The following FRMD4B variants were observed in gnomAD, a reference collection of about 807,000 sequenced individuals.
FRMD4B encodes FERM domain-containing protein 4B.
In FRMD4B, 74 loss-of-function variants were observed where a neutral mutation model predicts 141.5. The observed-to-expected ratio is 0.52, with a 90% confidence interval of 0.43 to 0.63. FRMD4B has a LOEUF of 0.63. Among genes scored for constraint, FRMD4B ranks in the 30% least tolerant of loss-of-function variants. FRMD4B has a pLI of 0.00. For synonymous variants in FRMD4B, 506 were observed against 467.9 expected, an observed-to-expected ratio of 1.08 and a Z score of -1.05; for missense variants, 1,366 against 1,253.4, an observed-to-expected ratio of 1.09 and a Z score of -1.36.
intron 2 of FRMD4B, among the ~76,000 whole-genome samples, chr3:69,404,381 G>A (rs1704618323): frequency 6.6e-6 from 1 of 152,134 alleles, no homozygotes; most frequent in South Asian, 2.1e-4. Context: ...GAATATTAAG[G>A]ATAGAAAATG....
intron 1 of FRMD4B, among the ~76,000 whole-genome samples, chr3:69,517,390 C>G (rs1700779738): frequency 6.6e-6 from 1 of 151,924 alleles, no homozygotes; most frequent in South Asian, 2.1e-4. Flanking sequence ...AAAAGAGCAC[C>G]AGTCACATAA....
At chr3:69,303,060 CCT>C (rs1024447229) in intron 3 of FRMD4B, among the ~76,000 whole-genome samples, 4 of 151,998 alleles carry the variant, frequency 2.6e-5, no homozygotes, top group African/African-American at 9.7e-5. Flanking sequence ...GGCAACATCC[CCT>C]GTTAGAGTGA....
At chr3:69,459,607 A>G (rs945779816) in intron 1 of FRMD4B, among the ~76,000 whole-genome samples, 1 of 152,244 alleles carries the variant, frequency 6.6e-6, no homozygotes, top group Non-Finnish European at 1.5e-5. Context: ...ACCAGACTGC[A>G]TATATTGAAA....
chr3:69,397,821 C>T (rs1704497670), intron 2 of FRMD4B, among the ~76,000 whole-genome samples: 1 of 152,056 alleles, frequency 6.6e-6, no homozygotes, highest in African/African-American at 2.4e-5. Context: ...TCTGTAAATA[C>T]ACAGAAATCC....
intron 7 of FRMD4B, among the ~76,000 whole-genome samples, chr3:69,241,976 C>G (rs1476435141): frequency 6.6e-6 from 1 of 152,150 alleles, no homozygotes; most frequent in South Asian, 2.1e-4. Context: ...ATTTGCCACT[C>G]TCTAGCTATG....
chr3:69,302,336 T>C lies in FRMD4B; in HGVS notation c.416+7A>G, dbSNP rs528203723. The C allele has an allele frequency of 1.3e-6, 2 of 1,516,444 alleles. No homozygotes were observed. Among genetic ancestry groups the C allele is most frequent in the South Asian group, 1.1e-5 (1 of 87,478 alleles). 93.9% of individuals were successfully genotyped at this position (1,516,444 alleles called of 1,614,324 possible). ...GAGGGATGCTAACTGGGTCTGTGGATACATACCTCACAGCAAAGTGCAAAA... is the reference window on the plus strand; with the variant it reads ...GAGGGATGCTAACTGGGTCTGTGGACACATACCTCACAGCAAAGTGCAAAA... On this transcript the variant is annotated splice_region_variant and intron_variant, in intron 4 of 22. Transcript: ENST00000398540.
chr3:69,223,558 G>T (rs1427295774), intron 8 of FRMD4B, among the ~76,000 whole-genome samples: 2 of 151,906 alleles, frequency 1.3e-5, no homozygotes, highest in African/African-American at 4.8e-5. Context: ...ATCGCGCTTG[G>T]TCGGGCCCGG....
chr3:69,473,529 G>A (rs900546797), intron 1 of FRMD4B, among the ~76,000 whole-genome samples: 1 of 152,076 alleles, frequency 6.6e-6, no homozygotes, highest in African/African-American at 2.4e-5. Context: ...TTTTCATATA[G>A]CCATCTTGCA....
intron 1 of FRMD4B, among the ~76,000 whole-genome samples, chr3:69,530,536 T>C (rs1295966685): frequency 6.6e-6 from 1 of 151,886 alleles, no homozygotes; most frequent in Non-Finnish European, 1.5e-5. Flanking sequence ...GCCATCAGAA[T>C]CATGAGTCAA....
intron 2 of FRMD4B, among the ~76,000 whole-genome samples, chr3:69,407,699 TG>T (rs1405397302): frequency 2.0e-4 from 30 of 152,240 alleles, no homozygotes; most frequent in African/African-American, 5.5e-4. Flanking sequence ...AGTGGCTGCC[TG>T]GGCATTGCTT....
At chr3:69,343,775 T>A (rs1702831450) in intron 1 of FRMD4B, among the ~76,000 whole-genome samples, 1 of 151,946 alleles carries the variant, frequency 6.6e-6, no homozygotes, top group African/African-American at 2.4e-5. Context: ...AGATGGGGTC[T>A]CACCACATTA....
intron 2 of FRMD4B, among the ~76,000 whole-genome samples, chr3:69,412,783 T>A (rs1575793114): frequency 6.6e-6 from 1 of 151,446 alleles, no homozygotes; most frequent in Non-Finnish European, 1.5e-5. Flanking sequence ...CTGGGGCCTC[T>A]GAGTGGATGA....
chr3:69,325,355 G>C (rs1366878846), intron 1 of FRMD4B, among the ~76,000 whole-genome samples: 1 of 152,238 alleles, frequency 6.6e-6, no homozygotes, highest in Non-Finnish European at 1.5e-5. Context: ...GCTTCGGGCA[G>C]ACATTCCCTG....
rs112527543 is a variant in FRMD4B at position 69,538,889 on chromosome 3, C to A, written c.-129+3317G>T. 9.9e-3 allele frequency among the ~76,000 whole-genome samples: 1,513 copies of A among 152,166 alleles called. 15 individuals are homozygous for A. The highest frequency in any genetic ancestry group is 0.048 in the Middle Eastern group (14 of 294). On this transcript the variant is annotated intron_variant, in intron 1 of 5. Coordinates refer to the FRMD4B transcript ENST00000459638. ...TCCTCCAAAAGTCTTCCATCTAAAA[C>A]AAATAACAACTACATTGAAAAAGGG...
At position 69,210,757 on chromosome 3, in the gene FRMD4B, T is replaced by C. The variant is rs976502773; in HGVS notation, c.876+5506A>G. Among the ~76,000 whole-genome samples the C allele has an allele frequency of 1.1e-4, 17 of 152,264 alleles. No individual in the cohort carries two copies. The South Asian group carries it at 1.9e-3, about 17-fold the overall frequency. On this transcript the variant is annotated intron_variant, in intron 11 of 22. Coordinates refer to ENST00000398540, the MANE Select transcript of FRMD4B (RefSeq NM_015123.3). ...GGCCGGGTGTAGTGGCACACATCTC[T>C]ATTCCCAGAACTTTGGGAGGCTCAG... is the stretch of plus-strand genomic sequence containing the variant.
intron 1 of FRMD4B, among the ~76,000 whole-genome samples, chr3:69,451,435 T>C (rs904457737): frequency 1.1e-4 from 17 of 152,306 alleles, no homozygotes; most frequent in African/African-American, 3.6e-4. Context: ...TTGTGATTGA[T>C]CAGCAATGTC....
intron 2 of FRMD4B, 101 bp from the exon 3 acceptor site, chr3:69,311,458 T>C (rs1701584519): frequency 1.6e-6 from 1 of 626,140 alleles, no homozygotes; most frequent in Non-Finnish European, 2.9e-6. Context: ...TTTGTTTATT[T>C]GTTTGTTTCT....
chr3:69,181,430 A>T lies in FRMD4B; in HGVS notation c.2320T>A (p.Ser774Thr), dbSNP rs555213649. The change falls in exon 21 of 23, where the codon TCA (serine) becomes ACA (threonine). Residue 774 changes from serine to threonine, a missense_variant. Physicochemically the swap from Ser to Thr is moderately conservative, Grantham distance 58. Coordinates refer to ENST00000398540, the MANE Select transcript of FRMD4B (RefSeq NM_015123.3). ...AGGTTGGGCATGCTTCCTGAATTTG[A>T]AGTAGAAACATTCTGTTTCTTTGAC... is the stretch of plus-strand genomic sequence containing the variant. ...RRSKKQNVST[S>T]NSGSMPNLAQ... 1 of 1,613,872 alleles carries T rather than the reference A, an allele frequency of 6.2e-7. No individual in the cohort carries two copies. Among genetic ancestry groups the T allele is most frequent in the East Asian group, 2.2e-5 (1 of 44,866 alleles).
chr3:69,317,005 C>A (rs926624147), intron 1 of FRMD4B, among the ~76,000 whole-genome samples: 2 of 152,152 alleles, frequency 1.3e-5, no homozygotes, highest in Non-Finnish European at 2.9e-5. Context: ...TGCCTGTAAT[C>A]CCAGCTACTT....
Sources: gnomAD v4.1 joint callset for allele counts (sites outside exome capture counted in the v4.1 genomes callset) on GRCh38, gnomAD v4.1.1 for gene constraint, MANE v1.5 for transcripts, NCBI Gene and HGNC (gene_info 2026-07-23, HGNC 2026-07-21) for gene names.